CCDC122: variants seen among roughly 807,000 people sequenced by gnomAD.
CCDC122 encodes coiled-coil domain-containing protein 122.
Under a neutral mutation model 37.0 loss-of-function variants are expected in CCDC122, and 38 were observed. The observed-to-expected ratio is 1.03, with a 90% confidence interval of 0.79 to 1.35. The LOEUF is 1.35. Among genes scored for constraint, CCDC122 ranks in the 40% most tolerant of loss-of-function variants. The pLI, the probability that CCDC122 is intolerant of heterozygous loss-of-function variation, is 0.00. For synonymous variants in CCDC122, 83 were observed against 95.6 expected, an observed-to-expected ratio of 0.87 and a Z score of 0.77; for missense variants, 305 against 310.0, an observed-to-expected ratio of 0.98 and a Z score of 0.12.
At chr13:43,872,025 G>A (rs12428350) in intron 2 of CCDC122, among the ~76,000 whole-genome samples, 55,744 of 151,736 alleles carry the variant, frequency 0.37, 12,575 homozygotes, top group Non-Finnish European at 0.52. Flanking sequence ...ATCCCTGAAC[G>A]TTCAGTTGCT....
chr13:43,856,698 A>C (rs1953921913), intron 6 of CCDC122: 1 of 152,342 alleles, frequency 6.6e-6, no homozygotes, highest in Non-Finnish European at 1.5e-5. Flanking sequence ...TTGTTGCAGG[A>C]TATCTGACAA....
intron 2 of CCDC122, among the ~76,000 whole-genome samples, chr13:43,872,555 C>T (rs1782701529): frequency 6.6e-6 from 1 of 152,054 alleles, no homozygotes; most frequent in Admixed American, 6.6e-5. Flanking sequence ...TCTAATCTAA[C>T]TGAGATAGAA....
downstream of CCDC122, among the ~76,000 whole-genome samples, chr13:43,833,605 A>T (rs1953111004): frequency 6.6e-6 from 1 of 152,252 alleles, no homozygotes; most frequent in Admixed American, 6.5e-5. Context: ...TAGGGCTAGA[A>T]GAGGTCTTGT....
rs969371847 is a variant in CCDC122 at position 43,836,692 on chromosome 13, T to C, written c.*588A>G. On this transcript the variant is annotated 3_prime_UTR_variant, in exon 7 of 7. Transcript: ENST00000444614. ...GGTGAAACCCCGTCTCTACTAAAAA[T>C]ACAAAAAATTAGCCGGGCGCGGTGG... 4.7e-5 allele frequency: 7 copies of C among 149,584 alleles called. No homozygotes were observed. The highest frequency in any genetic ancestry group is 1.7e-4 in the African/African-American group (7 of 40,708). The allele number at this position is 149,584 out of a possible 1,614,324, so 9.3% of individuals were successfully genotyped here. A position where few individuals can be genotyped will look rare whatever the true frequency, so the allele number is the denominator to read the frequency against.
chr13:43,871,186 T>A (rs1402224359), intron 2 of CCDC122, among the ~76,000 whole-genome samples: 1 of 152,130 alleles, frequency 6.6e-6, no homozygotes, highest in East Asian at 1.9e-4. Context: ...TGCTAAAACG[T>A]CACTTTAATC....
At chr13:43,840,647 T>G (rs1953319872) in intron 6 of CCDC122, among the ~76,000 whole-genome samples, 1 of 152,064 alleles carries the variant, frequency 6.6e-6, no homozygotes, top group South Asian at 2.1e-4. Context: ...TGGTTTTTTG[T>G]CTTGCAACAG....
At chr13:43,826,239 A>AT in intron 3 of CCDC122, among the ~76,000 whole-genome samples, 2 of 152,180 alleles carry the variant, frequency 1.3e-5, no homozygotes, top group Non-Finnish European at 1.5e-5. Context: ...CATATTAAAT[A>AT]GTGCTATATT....
At chr13:43,825,751 C>T (rs1048727012) in intron 3 of CCDC122, among the ~76,000 whole-genome samples, 13 of 112,984 alleles carry the variant, frequency 1.2e-4, no homozygotes, top group Non-Finnish European at 2.0e-4. Flanking sequence ...GCCTGGGCGA[C>T]GGAGTGAGAC....
chr13:43,871,677 C>A (rs1490035646), intron 2 of CCDC122, among the ~76,000 whole-genome samples: 2 of 152,068 alleles, frequency 1.3e-5, no homozygotes, highest in African/African-American at 4.8e-5. Context: ...TATTGTCAAC[C>A]TTTTCAGTGA....
intron 4 of CCDC122, among the ~76,000 whole-genome samples, chr13:43,863,945 T>C (rs1038143901): frequency 2.0e-5 from 3 of 152,224 alleles, no homozygotes; most frequent in Non-Finnish European, 4.4e-5. Context: ...AGTTTTTCTA[T>C]GTTTTCTTCC....
Position 43,830,597 on chromosome 13 carries a change from G to C in CCDC122, n.602-6586C>G, listed in dbSNP as rs561925792. On this transcript the variant is annotated intron_variant and non_coding_transcript_variant, in intron 3 of 3. Coordinates refer to the CCDC122 transcript ENST00000470137. ...CGAAAGCATGACTCAATTGGGAGAGGGCTGCTCAAAAAGGATTTTTTAAAA... is the reference window on the plus strand; with the variant it reads ...CGAAAGCATGACTCAATTGGGAGAGCGCTGCTCAAAAAGGATTTTTTAAAA... Among the ~76,000 whole-genome samples the C allele has an allele frequency of 3.3e-5, 5 of 152,284 alleles. No homozygotes were observed. In the South Asian group the frequency reaches 1.0e-3, roughly 32 times the overall value.
intron 4 of CCDC122, among the ~76,000 whole-genome samples, chr13:43,868,194 A>C (rs1472629824): frequency 6.6e-6 from 1 of 152,136 alleles, no homozygotes; most frequent in Admixed American, 6.5e-5. Context: ...TCATTTCTTT[A>C]GTCATATTCA....
intron 4 of CCDC122, among the ~76,000 whole-genome samples, chr13:43,867,727 T>C (rs1408632100): frequency 6.6e-6 from 1 of 152,134 alleles, no homozygotes; most frequent in African/African-American, 2.4e-5. Flanking sequence ...GACTGAAAAG[T>C]TTTACAAAAA....
At chr13:43,862,906 A>G (rs555318016) in intron 4 of CCDC122, among the ~76,000 whole-genome samples, 3 of 151,642 alleles carry the variant, frequency 2.0e-5, no homozygotes, top group Admixed American at 2.0e-4. Context: ...CTGCCCTTAC[A>G]TGAGAATTAC....
downstream of CCDC122, among the ~76,000 whole-genome samples, chr13:43,835,875 C>G (rs1007171502): frequency 6.6e-6 from 1 of 152,196 alleles, no homozygotes; most frequent in African/African-American, 2.4e-5. Flanking sequence ...CTGTAGGTTT[C>G]ACCATTTTCA....
chr13:43,868,644 T>A, intron 4 of CCDC122, 50 bp downstream of exon 4: 1 of 952,172 alleles, frequency 1.1e-6, no homozygotes, highest in Non-Finnish European at 1.5e-6. Flanking sequence ...TCCTGGTCAT[T>A]TACTTTTGAA....
downstream of CCDC122, among the ~76,000 whole-genome samples, chr13:43,831,698 C>T (rs566710886): frequency 4.6e-5 from 7 of 152,176 alleles, no homozygotes; most frequent in Admixed American, 2.0e-4. Flanking sequence ...ATTCCAATTT[C>T]GACATGATTT....
At chr13:43,828,555 TAC>T (rs56901535) in intron 3 of CCDC122, among the ~76,000 whole-genome samples, 19,376 of 145,980 alleles carry the variant, frequency 0.13, 1,285 homozygotes, top group African/African-American at 0.19. Flanking sequence ...TATAGACAGA[TAC>T]ACACACACAC....
intron 4 of CCDC122, among the ~76,000 whole-genome samples, chr13:43,862,093 CTT>C (rs1954125342): frequency 6.6e-6 from 1 of 152,188 alleles, no homozygotes; most frequent in South Asian, 2.1e-4. Flanking sequence ...GCAGAAGAAT[CTT>C]TTCAAAACAT....
Sources: gnomAD v4.1 joint callset for allele counts (sites outside exome capture counted in the v4.1 genomes callset) on GRCh38, gnomAD v4.1.1 for gene constraint, MANE v1.5 for transcripts, NCBI Gene and HGNC (gene_info 2026-07-23, HGNC 2026-07-21) for gene names.